The following SRP54 variants were observed in gnomAD, a reference collection of about 807,000 sequenced individuals.
The protein encoded by SRP54 is signal recognition particle subunit SRP54.
SRP54 carries 10 observed loss-of-function variants against 64.8 expected under a neutral mutation model. The observed-to-expected ratio is 0.15, with a 90% confidence interval of 0.10 to 0.26. The LOEUF is 0.26. SRP54 is among the 10% of genes least tolerant of loss of function. The pLI is 1.00. For synonymous variants in SRP54, 193 were observed against 185.6 expected (o/e 1.04, Z -0.32); for missense variants, 325 against 613.7 (o/e 0.53, Z 4.97).
intron 13 of SRP54, 127 bp downstream of exon 13, chr14:35,019,201 G>C (rs925000290): frequency 1.5e-6 from 1 of 648,742 alleles, no homozygotes; most frequent in African/African-American, 1.8e-5. Context: ...AGGTAGATTT[G>C]TAATAGCTTG....
At chr14:35,021,033 A>G (rs1049376287) in intron 13 of SRP54, among the ~76,000 whole-genome samples, 1 of 152,176 alleles carries the variant, frequency 6.6e-6, no homozygotes, top group African/African-American at 2.4e-5. Flanking sequence ...AATATAATAT[A>G]TATGTTTCAT....
intron 4 of SRP54, among the ~76,000 whole-genome samples, chr14:35,002,549 C>G (rs1355643734): frequency 6.6e-6 from 1 of 151,830 alleles, no homozygotes; most frequent in Non-Finnish European, 1.5e-5. Flanking sequence ...TCTCCTGCCT[C>G]AGCCTCCCAA....
chr14:34,999,108 G>A (rs1157280372), intron 2 of SRP54, among the ~76,000 whole-genome samples: 8 of 144,828 alleles, frequency 5.5e-5, no homozygotes, highest in Admixed American at 1.4e-4. Context: ...TCCGCCTCCC[G>A]AGTTCAAGTG....
chr14:35,023,142 A>G (rs977237119), intron 14 of SRP54, 62 bp downstream of exon 14: 1 of 1,390,576 alleles, frequency 7.2e-7, no homozygotes, highest in Non-Finnish European at 9.8e-7. Context: ...GAGAAAAAAG[A>G]GTGCTGCCAG....
chr14:34,994,420 G>A (rs1410365308), intron 1 of SRP54, among the ~76,000 whole-genome samples: 1 of 152,148 alleles, frequency 6.6e-6, no homozygotes, highest in Non-Finnish European at 1.5e-5. Context: ...GTTTTGAAGA[G>A]TTACCTTTTC....
At chr14:35,006,636 G>A (rs1048168856) in intron 4 of SRP54, among the ~76,000 whole-genome samples, 7 of 152,076 alleles carry the variant, frequency 4.6e-5, no homozygotes, top group Non-Finnish European at 1.0e-4. Flanking sequence ...TTCATGTGTA[G>A]CCTTCATATA....
chr14:34,992,212 C>A (rs1594979384), intron 1 of SRP54, among the ~76,000 whole-genome samples: 1 of 152,122 alleles, frequency 6.6e-6, no homozygotes, highest in Non-Finnish European at 1.5e-5. Flanking sequence ...GGATTACAGG[C>A]GTGAGCCACT....
rs777879898 is a variant in SRP54 at position 34,996,800 on chromosome 14, T to C, written c.78+13T>C. On this transcript the variant is annotated intron_variant, in intron 2 of 15. Coordinates refer to ENST00000216774, the MANE Select transcript of SRP54 (RefSeq NM_003136.4). ...TATCAATGAAGAGGTATGTAAAATA[T>C]TGTATGAAATATATATGATTGTATA... 1.3e-6 allele frequency: 2 copies of C among 1,548,076 alleles called. No individual in the cohort carries two copies. The highest frequency in any genetic ancestry group is 1.4e-5 in the African/African-American group (1 of 73,638).
intron 1 of SRP54, among the ~76,000 whole-genome samples, chr14:34,983,517 A>T (rs897689966): frequency 1.3e-5 from 2 of 152,224 alleles, no homozygotes; most frequent in African/African-American, 4.8e-5. Flanking sequence ...ACTTCCCCGA[A>T]AATCCTTTTA....
chr14:35,010,063 G>A (rs1446205975), intron 7 of SRP54, among the ~76,000 whole-genome samples: 4 of 151,540 alleles, frequency 2.6e-5, no homozygotes, highest in African/African-American at 9.7e-5. Flanking sequence ...CAGAAGAATC[G>A]CTTGAATCTG....
chr14:35,007,681 A>ATATTTACATAAAATAGATTTTATTAAAAT, intron 5 of SRP54, among the ~76,000 whole-genome samples: 1 of 145,942 alleles, frequency 6.9e-6, no homozygotes, highest in South Asian at 2.1e-4. Context: ...TTATTAAAAT[A>ATATTTACATAAAATAGATTTTATTAAAAT]TATTTACATA....
intron 11 of SRP54, among the ~76,000 whole-genome samples, chr14:35,018,198 CT>C (rs1390510641): frequency 6.6e-6 from 1 of 152,152 alleles, no homozygotes; most frequent in Non-Finnish European, 1.5e-5. Flanking sequence ...TTGTACTTAT[CT>C]ATAGTTTGTT....
At chr14:35,027,026 C>CTTTTTTTTTTTTTTTTT (rs368696128) in intron 14 of SRP54, among the ~76,000 whole-genome samples, 1 of 135,060 alleles carries the variant, frequency 7.4e-6, no homozygotes, top group Non-Finnish European at 1.6e-5. Context: ...TTTCTACTTT[C>CTTTTTTTTTTTTTTTTT]TTTTTTTTTT....
chr14:35,021,878 A>G (rs1188537344), intron 13 of SRP54, among the ~76,000 whole-genome samples: 1 of 152,250 alleles, frequency 6.6e-6, no homozygotes, highest in Non-Finnish European at 1.5e-5. Flanking sequence ...GAATGCAGAC[A>G]TAATGGACAT....
chr14:35,016,288 T>A (rs1467898590), intron 11 of SRP54, among the ~76,000 whole-genome samples: 2 of 152,248 alleles, frequency 1.3e-5, no homozygotes, highest in African/African-American at 4.8e-5. Context: ...ACTGCTTTTC[T>A]TAAAATTCTT....
At chr14:34,995,132 A>G (rs55971118) in intron 1 of SRP54, among the ~76,000 whole-genome samples, 19,042 of 57,138 alleles carry the variant, frequency 0.33, 2,227 homozygotes, top group East Asian at 0.57. Context: ...GAATCAATAA[A>G]GGGTGTGTGT....
intron 5 of SRP54, among the ~76,000 whole-genome samples, chr14:35,007,738 AATATATTT>A (rs1453012380): frequency 0.064 from 9,196 of 144,520 alleles, 520 homozygotes; most frequent in East Asian, 0.078. Flanking sequence ...ATTTTATTAA[AATATATTT>A]ACATAAAATA....
At chr14:34,998,680 G>T (rs1281516721) in intron 2 of SRP54, among the ~76,000 whole-genome samples, 1 of 151,846 alleles carries the variant, frequency 6.6e-6, no homozygotes, top group African/African-American at 2.4e-5. Flanking sequence ...GGGCGTGGTG[G>T]CAGGCGCCTG....
At chr14:35,028,931 A>T in intron 15 of SRP54, 130 bp from the exon 16 acceptor site, 1 of 681,074 alleles carries the variant, frequency 1.5e-6, no homozygotes, top group Non-Finnish European at 2.4e-6. Context: ...TACGTTCTTT[A>T]AGGCTGATGA....
Sources: gnomAD v4.1 joint callset for allele counts (sites outside exome capture counted in the v4.1 genomes callset) on GRCh38, gnomAD v4.1.1 for gene constraint, MANE v1.5 for transcripts, NCBI Gene and HGNC (gene_info 2026-07-23, HGNC 2026-07-21) for gene names.